The following GGH variants were observed in gnomAD, a reference collection of about 807,000 sequenced individuals.
The protein encoded by GGH is gamma-Glu-X carboxypeptidase.
GGH carries 18 observed loss-of-function variants against 39.2 expected under a neutral mutation model. That is an observed-to-expected ratio of 0.46 (90% CI 0.32 to 0.68). The LOEUF (loss-of-function observed/expected upper bound fraction) is 0.68. Ranked by LOEUF, GGH falls within the 30% of genes least tolerant of loss-of-function variation. GGH has a pLI of 0.04. For missense variants in GGH, 367 were observed against 384.1 expected (o/e 0.96, Z 0.37); for synonymous variants, 147 against 138.8 (o/e 1.06, Z -0.42).
At chr8:63,031,531 G>C (rs1183374976) in intron 2 of GGH, among the ~76,000 whole-genome samples, 2 of 152,160 alleles carry the variant, frequency 1.3e-5, no homozygotes, top group Non-Finnish European at 2.9e-5. Flanking sequence ...AAACCAAAAT[G>C]GGCAACCATC....
chr8:63,033,321 C>A (rs1298439671), intron 2 of GGH, among the ~76,000 whole-genome samples: 1 of 152,198 alleles, frequency 6.6e-6, no homozygotes, highest in Non-Finnish European at 1.5e-5. Context: ...TTGAGAAGGA[C>A]TGGTATCAAT....
At chr8:63,037,814 C>A (rs1390757662) in intron 1 of GGH, among the ~76,000 whole-genome samples, 1 of 152,022 alleles carries the variant, frequency 6.6e-6, no homozygotes. Context: ...GAAATAAGTT[C>A]CAAATATTAG....
chr8:63,025,923 A>G (rs1442095157), intron 5 of GGH, among the ~76,000 whole-genome samples: 1 of 152,176 alleles, frequency 6.6e-6, no homozygotes, highest in Non-Finnish European at 1.5e-5. Context: ...TATCACTAGA[A>G]GCAATGAGTT....
rs781252850 is a variant in GGH at position 63,023,867 on chromosome 8, A to G, written c.697+40T>C. 3 of 1,284,284 alleles carry G rather than the reference A, an allele frequency of 2.3e-6. No homozygotes were observed. In the African/African-American group the frequency reaches 4.7e-5, roughly 20 times the overall value. 79.6% of individuals were successfully genotyped at this position (1,284,284 alleles called of 1,614,324 possible). On this transcript the variant is annotated intron_variant, in intron 7 of 8. Coordinates refer to ENST00000260118, the MANE Select transcript of GGH (RefSeq NM_003878.3). ...ATATAAAATCAAAATTTAAAAATAT[A>G]AAATAAGTGAAATAAAGTATACATG...
At position 63,038,712 on chromosome 8, in the gene GGH, C is replaced by T. The variant is rs1373327650; in HGVS notation, c.57G>A (p.Ala19=). The T allele has an allele frequency of 1.9e-6, 3 of 1,584,016 alleles. No homozygotes were observed. The East Asian group carries it at 7.0e-5, about 37-fold the overall frequency. ...CVLGLLLCGA[A]SLELSRPHGD... ...CGTGGGGTCTAGACAGCTCGAGGCT[C>T]GCCGCCCCGCAGAGTAGCAGGCCCA... The change falls in exon 1 of 9, where the codon GCG becomes GCA. Residue 19 remains alanine, a synonymous_variant. Transcript: ENST00000260118.
At chr8:63,030,241 T>TTTC in intron 2 of GGH, 24 bp from the exon 3 acceptor site, 1 of 1,153,908 alleles carries the variant, frequency 8.7e-7, no homozygotes, top group Non-Finnish European at 1.3e-6. Context: ...AAGTTATTGT[T>TTTC]ACATTTGTGA....
intron 1 of GGH, among the ~76,000 whole-genome samples, chr8:63,037,162 G>A (rs1390743627): frequency 2.0e-5 from 3 of 152,134 alleles, no homozygotes; most frequent in African/African-American, 7.2e-5. Flanking sequence ...CATTCATCAG[G>A]TATTCAGATT....
chr8:63,029,479 A>T (rs77601210), intron 3 of GGH, among the ~76,000 whole-genome samples: 11,685 of 152,204 alleles, frequency 0.077, 751 homozygotes, highest in East Asian at 0.34. Context: ...TACTAATACA[A>T]TGCATAGATT....
At chr8:63,030,017 T>G in intron 3 of GGH, 150 bp downstream of exon 3, 1 of 458,298 alleles carries the variant, frequency 2.2e-6, no homozygotes, top group Non-Finnish European at 4.0e-6. Context: ...CCCAAGAAAA[T>G]AAATCCTATA....
chr8:63,027,051 T>C (rs952476195), intron 4 of GGH, 130 bp downstream of exon 4: 4 of 683,248 alleles, frequency 5.9e-6, no homozygotes, highest in African/African-American at 1.8e-5. Context: ...AACAGGCACC[T>C]CAAAATTAAA....
At chr8:63,018,301 AAT>A (rs1174633829) in intron 7 of GGH, among the ~76,000 whole-genome samples, 3 of 152,328 alleles carry the variant, frequency 2.0e-5, no homozygotes, top group African/African-American at 7.2e-5. Context: ...GAATATGTGT[AAT>A]AGTTACCTTC....
intron 7 of GGH, among the ~76,000 whole-genome samples, chr8:63,020,745 C>T (rs1232078530): frequency 6.6e-6 from 1 of 152,098 alleles, no homozygotes; most frequent in East Asian, 1.9e-4. Context: ...AGGGTACAAG[C>T]TAGAGGTGAA....
intron 7 of GGH, among the ~76,000 whole-genome samples, chr8:63,022,700 G>C (rs1437898867): frequency 1.4e-5 from 2 of 139,284 alleles, no homozygotes; most frequent in Non-Finnish European, 3.1e-5. Flanking sequence ...TTCTTTTTTT[G>C]TATTTTCAGT....
At chr8:63,036,221 C>T (rs1180409330) in intron 1 of GGH, among the ~76,000 whole-genome samples, 2 of 152,218 alleles carry the variant, frequency 1.3e-5, no homozygotes, top group African/African-American at 4.8e-5. Flanking sequence ...CCTCTCCCCA[C>T]CACACTATCA....
rs760986899 is a variant in GGH, at chr8:63,035,685, C to G, written c.195G>C (p.Glu65Asp). 4 of 1,612,420 alleles carry G rather than the reference C, an allele frequency of 2.5e-6. No individual in the cohort carries two copies. In the Admixed American group the frequency reaches 6.7e-5, roughly 27 times the overall value. ...CTGGTACAACTCTCGCACCTGCAGA[C>G]TCCAAGTACTTTACATAGGACGCAG... ...YIAASYVKYL[E>D]SAGARVVPVR... The change falls in exon 2 of 9, where the codon GAG becomes GAC. Residue 65 changes from glutamate (E) to aspartate (D), a missense_variant. Transcript: ENST00000260118.
In GGH at chr8:63,030,174, T is replaced by C. The variant is rs114664885; in HGVS notation, c.268A>G (p.Ile90Val). Reference sequence around the variant, plus strand: ...CCAATGCTGCCAACTTACCCATTAATAGATTTGAAAAGTATTTCATAGTCT... The same window carrying C: ...CCAATGCTGCCAACTTACCCATTAACAGATTTGAAAAGTATTTCATAGTCT... ...EKDYEILFKSINGILFPGGSV... is the reference protein window; with the variant it reads ...EKDYEILFKSVNGILFPGGSV... Residue 90 changes from isoleucine to valine, a missense_variant, in exon 3 of 9, where the codon ATT (isoleucine) becomes GTT (valine). Coordinates refer to ENST00000260118, the MANE Select transcript of GGH (RefSeq NM_003878.3). 564 of 1,396,240 alleles carry C rather than the reference T, an allele frequency of 4.0e-4. 1 individual carries two copies. The East Asian group carries it at 0.013, about 31-fold the overall frequency. The allele number at this position is 1,396,240 out of a possible 1,614,324, so 86.5% of individuals were successfully genotyped here.
intron 1 of GGH, among the ~76,000 whole-genome samples, chr8:63,037,524 C>T (rs936895064): frequency 6.6e-6 from 1 of 152,222 alleles, no homozygotes; most frequent in African/African-American, 2.4e-5. Context: ...AAGGCCATCT[C>T]ACAACTTTTG....
At chr8:63,016,043 T>G (rs1174128910) in intron 8 of GGH, among the ~76,000 whole-genome samples, 1 of 152,184 alleles carries the variant, frequency 6.6e-6, no homozygotes, top group African/African-American at 2.4e-5. Context: ...ACATTTTCAC[T>G]GGTAAGGCAG....
chr8:63,027,805 T>C (rs16930092), intron 3 of GGH, among the ~76,000 whole-genome samples: 14,052 of 152,030 alleles, frequency 0.092, 793 homozygotes, highest in East Asian at 0.2. Context: ...TATTAGAACA[T>C]TTTTTTCAAG....
Sources: allele counts gnomAD v4.1 joint callset (sites outside exome capture counted in the v4.1 genomes callset), GRCh38; gene constraint gnomAD v4.1.1; transcripts MANE v1.5; gene names NCBI Gene and HGNC (gene_info 2026-07-23, HGNC 2026-07-21).